KLF7: variants seen among roughly 807,000 people sequenced by gnomAD.
The protein encoded by KLF7 is KLF transcription factor 7.
KLF7 carries 2 observed loss-of-function variants against 27.3 expected under a neutral mutation model. The observed-to-expected ratio is 0.07, with a 90% CI of 0.03 to 0.23. The LOEUF (loss-of-function observed/expected upper bound fraction) is 0.23. Ranked by LOEUF, KLF7 falls within the 10% of genes least tolerant of loss-of-function variation. The pLI, the probability that KLF7 is intolerant of heterozygous loss-of-function variation, is 1.00. For synonymous variants in KLF7, 165 were observed against 162.4 expected (o/e 1.02, Z -0.12); for missense variants, 221 against 394.1 (o/e 0.56, Z 3.72).
At chr2:207,109,919 A>G (rs563395935) in intron 2 of KLF7, 61 of 154,990 alleles carry the variant, frequency 3.9e-4, no homozygotes, top group Non-Finnish European at 1.5e-5. Context: ...GGGATAAGCT[A>G]ATACATGTAA....
At chr2:207,160,262 C>T (rs188719217) in intron 1 of KLF7, among the ~76,000 whole-genome samples, 96 of 152,252 alleles carry the variant, frequency 6.3e-4, no homozygotes, top group African/African-American at 2.2e-3. Context: ...AGCAAGCAGT[C>T]AGTTGATTTG....
At chr2:207,133,336 T>C (rs907836723) in intron 1 of KLF7, among the ~76,000 whole-genome samples, 7 of 152,128 alleles carry the variant, frequency 4.6e-5, no homozygotes, top group South Asian at 2.1e-4. Context: ...TACTGGGAAG[T>C]GCAAAGGGCT....
intron 2 of KLF7, 98 bp downstream of exon 2, chr2:207,123,676 C>T (rs2077399254): frequency 1.1e-5 from 14 of 1,332,550 alleles, no homozygotes; most frequent in Non-Finnish European, 1.5e-5. Context: ...TCCTCATCAG[C>T]AGGGGTGCCA....
chr2:207,141,567 C>T (rs910580051), intron 1 of KLF7, among the ~76,000 whole-genome samples: 1 of 152,060 alleles, frequency 6.6e-6, no homozygotes, highest in Non-Finnish European at 1.5e-5. Context: ...ACCAGCTCAT[C>T]GATATCATGT....
chr2:207,124,009 C>T lies in KLF7; in HGVS notation c.498G>A (p.Leu166=). The part of the protein sequence containing the change: ...SAVDGTVTLK[L]VAKKAALSSV... Reference sequence around the variant, plus strand: ...AGCTGAGAGCAGCCTTCTTGGCCACCAGTTTCAACGTCACCGTGCCATCCA... The same window carrying T: ...AGCTGAGAGCAGCCTTCTTGGCCACTAGTTTCAACGTCACCGTGCCATCCA... Residue 166 remains leucine, a synonymous_variant, in exon 2 of 4, where the codon CTG becomes CTA. Coordinates refer to ENST00000309446, the MANE Select transcript of KLF7 (RefSeq NM_003709.4). 6.2e-7 allele frequency: 1 copy of T among 1,614,192 alleles called. No individual in the cohort carries two copies. The highest frequency in any genetic ancestry group is 8.5e-7 in the Non-Finnish European group (1 of 1,180,038).
At chr2:207,163,895 T>A (rs914392857) in intron 1 of KLF7, among the ~76,000 whole-genome samples, 1 of 152,240 alleles carries the variant, frequency 6.6e-6, no homozygotes, top group East Asian at 1.9e-4. Context: ...AGACCCTTCA[T>A]GAGACACACT....
chr2:207,144,579 C>A (rs562692223), intron 1 of KLF7, among the ~76,000 whole-genome samples: 1 of 152,294 alleles, frequency 6.6e-6, no homozygotes, highest in South Asian at 2.1e-4. Context: ...CTATCACCAA[C>A]TCCCATGATA....
Position 207,165,901 on chromosome 2 carries a change from A to G in KLF7, c.-333T>C, listed in dbSNP as rs2078694796. On this transcript the variant is annotated 5_prime_UTR_variant, in exon 1 of 4. Coordinates refer to ENST00000309446, the MANE Select transcript of KLF7 (RefSeq NM_003709.4). ...TCCAGCTCGTGGATCAGGAAGGGGG[A>G]TGCAAACTCACTGACACGAAGCTGC... 1 of 1,134,906 alleles carries G rather than the reference A, an allele frequency of 8.8e-7. No homozygotes were observed. The highest frequency in any genetic ancestry group is 3.5e-5 in the South Asian group (1 of 28,884). 70.3% of individuals were successfully genotyped at this position (1,134,906 alleles called of 1,614,324 possible).
intron 2 of KLF7, among the ~76,000 whole-genome samples, chr2:207,097,024 A>G (rs1471103581): frequency 6.6e-6 from 1 of 152,228 alleles, no homozygotes; most frequent in Non-Finnish European, 1.5e-5. Context: ...GGTCTGATTC[A>G]CAAGGGGAGG....
intron 1 of KLF7, among the ~76,000 whole-genome samples, chr2:207,127,922 C>T (rs986395612): frequency 6.6e-6 from 1 of 152,118 alleles, no homozygotes; most frequent in Non-Finnish European, 1.5e-5. Context: ...CACACACATA[C>T]ATACATAGAG....
At chr2:207,148,374 A>G (rs1559161673) in intron 1 of KLF7, among the ~76,000 whole-genome samples, 1 of 152,180 alleles carries the variant, frequency 6.6e-6, no homozygotes, top group Non-Finnish European at 1.5e-5. Context: ...GACTTGACCT[A>G]GGGTCTACCC....
chr2:207,152,358 G>C (rs1396169760), intron 1 of KLF7, among the ~76,000 whole-genome samples: 1 of 151,924 alleles, frequency 6.6e-6, no homozygotes, highest in African/African-American at 2.4e-5. Flanking sequence ...AGTGGCAAAA[G>C]AAACTGTGAC....
rs2076690591 is a variant in KLF7 at position 207,098,795 on chromosome 2, T to TC, written c.734-10215_734-10214insG. 2.1e-5 allele frequency among the ~76,000 whole-genome samples: 3 copies of TC among 146,008 alleles called. No homozygotes were observed. In the South Asian group the frequency reaches 6.8e-4, roughly 33 times the overall value. On this transcript the variant is annotated intron_variant, in intron 2 of 3. Coordinates refer to ENST00000309446, the MANE Select transcript of KLF7 (RefSeq NM_003709.4). ...CTTGGCTAATTTTTTTTTTTTTTTTTTTTTTGTAGAGACGATGCCTCCCAA... is the reference window on the plus strand; with the variant it reads ...CTTGGCTAATTTTTTTTTTTTTTTTTCTTTTTGTAGAGACGATGCCTCCCAA...
intron 1 of KLF7, among the ~76,000 whole-genome samples, chr2:207,151,041 G>A (rs983047561): frequency 1.3e-5 from 2 of 150,714 alleles, no homozygotes; most frequent in South Asian, 4.2e-4. Context: ...GAGGGAGGGA[G>A]GGTGAAAAGG....
intron 1 of KLF7, among the ~76,000 whole-genome samples, chr2:207,144,407 T>C (rs2078038450): frequency 6.6e-6 from 1 of 152,222 alleles, no homozygotes; most frequent in African/African-American, 2.4e-5. Flanking sequence ...AGTACCCAAA[T>C]GAACACTTAT....
intron 2 of KLF7, among the ~76,000 whole-genome samples, chr2:207,116,435 A>G (rs888660058): frequency 6.6e-6 from 1 of 152,180 alleles, no homozygotes; most frequent in Non-Finnish European, 1.5e-5. Context: ...CTTAAACTCC[A>G]TTTCTTTCTA....
chr2:207,129,245 C>T (rs3791992), intron 1 of KLF7, among the ~76,000 whole-genome samples: 6 of 152,342 alleles, frequency 3.9e-5, no homozygotes, highest in Admixed American at 3.9e-4. Flanking sequence ...TGCCAGCAAA[C>T]TCCAAATCGG....
chr2:207,081,218 T>C lies in KLF7; in HGVS notation c.904A>G (p.Ile302Val). 6.2e-7 allele frequency: 1 copy of C among 1,614,054 alleles called. No homozygotes were observed. The highest frequency in any genetic ancestry group is 1.6e-4 in the Middle Eastern group (1 of 6,062). Residue 302 changes from isoleucine (I) to valine (V), a missense_variant, in exon 4 of 4, where the codon ATC (isoleucine) becomes GTC (valine). By Grantham distance (29) the Ile-to-Val change is conservative. Around this residue, in one of 3 missense-constraint regions of KLF7, gnomAD observed 30 missense variants for 115.4 expected, o/e 0.26. Transcript: ENST00000309446. Reference protein sequence around the residue: ...DHLALHMKRHI With the variant: ...DHLALHMKRHV The stretch of plus-strand genomic sequence containing the variant: ...AACTCTGGCCTTTCGGTTTTTTAGA[T>C]ATGTCTCTTCATGTGGAGGGCAAGA...
rs529865099 is a variant in KLF7 at position 207,077,489 on chromosome 2, G to A, written c.*3724C>T. On this transcript the variant is annotated 3_prime_UTR_variant, in exon 4 of 4. Transcript: ENST00000309446. ...GCACAAGAGGTGCAGGTGGAGAGGAGATGGCGTCGAGAGAAGAGGATATTT... is the reference window on the plus strand; with the variant it reads ...GCACAAGAGGTGCAGGTGGAGAGGAAATGGCGTCGAGAGAAGAGGATATTT... 6 of 152,364 alleles carry A rather than the reference G, an allele frequency of 3.9e-5. No individual in the cohort carries two copies. Among genetic ancestry groups the A allele is most frequent in the Admixed American group, 3.9e-4 (6 of 15,292 alleles). 9.4% of individuals were successfully genotyped at this position (152,364 alleles called of 1,614,324 possible).
Sources: gnomAD v4.1 joint callset for allele counts (sites outside exome capture counted in the v4.1 genomes callset) on GRCh38, gnomAD v4.1.1 for gene constraint, gnomAD v4.1.1 regional missense constraint, MANE v1.5 for transcripts, NCBI Gene and HGNC (gene_info 2026-07-23, HGNC 2026-07-21) for gene names.